Variants in SLCO1B1 observed in about 807,000 individuals in gnomAD.
SLCO1B1 encodes the protein solute carrier organic anion transporter family member 1B1.
Under a neutral mutation model 70.1 loss-of-function variants are expected in SLCO1B1, and 81 were observed. That is an observed-to-expected ratio of 1.16 (90% CI 0.97 to 1.39). The LOEUF (loss-of-function observed/expected upper bound fraction) is 1.39. Among genes scored for constraint, SLCO1B1 ranks in the 40% most tolerant of loss-of-function variants. SLCO1B1 has a pLI of 0.00. For synonymous variants in SLCO1B1, 283 were observed against 271.5 expected (o/e 1.04, Z -0.42); for missense variants, 895 against 799.6 (o/e 1.12, Z -1.44).
intron 2 of SLCO1B1, among the ~76,000 whole-genome samples, chr12:21,170,404 TG>T (rs140437773): frequency 0.13 from 20,151 of 152,086 alleles, 1,401 homozygotes; most frequent in Middle Eastern, 0.16. Flanking sequence ...GTTAATATTG[TG>T]TCTTGCTGTT....
chr12:21,215,506 C>T (rs183456827), intron 11 of SLCO1B1, among the ~76,000 whole-genome samples: 3 of 152,232 alleles, frequency 2.0e-5, no homozygotes, highest in Admixed American at 2.0e-4. Flanking sequence ...CTGGACCATC[C>T]TTACATCTCA....
chr12:21,159,763 A>G (rs1327755015), intron 2 of SLCO1B1, among the ~76,000 whole-genome samples: 1 of 152,156 alleles, frequency 6.6e-6, no homozygotes, highest in Non-Finnish European at 1.5e-5. Flanking sequence ...CTGATAAACA[A>G]CTTCAGCAAA....
intron 2 of SLCO1B1, among the ~76,000 whole-genome samples, chr12:21,149,921 C>T (rs994771108): frequency 2.0e-5 from 3 of 152,160 alleles, no homozygotes; most frequent in African/African-American, 7.2e-5. Flanking sequence ...GATCCCACCC[C>T]CATAGAGCCC....
At chr12:21,134,433 G>T (rs561531966) in intron 1 of SLCO1B1, among the ~76,000 whole-genome samples, 2 of 152,208 alleles carry the variant, frequency 1.3e-5, no homozygotes, top group Admixed American at 6.5e-5. Context: ...TGTACCTCTG[G>T]TAGAATTCGG....
At chr12:21,160,582 A>C (rs1940605887) in intron 2 of SLCO1B1, among the ~76,000 whole-genome samples, 1 of 152,152 alleles carries the variant, frequency 6.6e-6, no homozygotes, top group Admixed American at 6.5e-5. Context: ...CCTAGGCAAT[A>C]TCATCCTGGA....
chr12:21,219,838 G>A (rs1204035403), intron 12 of SLCO1B1, among the ~76,000 whole-genome samples: 1 of 114,512 alleles, frequency 8.7e-6, no homozygotes, highest in Non-Finnish European at 1.9e-5. Flanking sequence ...TTGGATTGCT[G>A]CAACCCTCCG....
chr12:21,136,697 C>T (rs910465514), intron 1 of SLCO1B1, among the ~76,000 whole-genome samples: 3 of 152,142 alleles, frequency 2.0e-5, no homozygotes, highest in African/African-American at 7.2e-5. Context: ...CCTTTAAGAA[C>T]TTCTCTGCAT....
intron 8 of SLCO1B1, 98 bp downstream of exon 8, chr12:21,197,286 G>T: frequency 7.4e-7 from 1 of 1,357,588 alleles, no homozygotes; most frequent in Non-Finnish European, 1.0e-6. Context: ...AACTCATCTG[G>T]AGTTGGCTTT....
rs1303155877 is a variant in SLCO1B1, at chr12:21,209,505, G to A, written c.1497+3472G>A. On this transcript the variant is annotated intron_variant, in intron 11 of 14. Coordinates refer to ENST00000256958, the MANE Select transcript of SLCO1B1 (RefSeq NM_006446.5). ...CCAAGTCTTTGCTATTGTGAATAAT[G>A]CCACAATAAACATACGTGTGCATGT... Among the ~76,000 whole-genome samples, 3 of 152,114 alleles carry A rather than the reference G, an allele frequency of 2.0e-5. No individual in the cohort carries two copies. In the East Asian group the frequency reaches 5.8e-4, roughly 29 times the overall value.
At chr12:21,224,470 G>A (rs1219897752) in intron 13 of SLCO1B1, among the ~76,000 whole-genome samples, 1 of 152,054 alleles carries the variant, frequency 6.6e-6, no homozygotes, top group Non-Finnish European at 1.5e-5. Flanking sequence ...GTTATCATAA[G>A]AAGAACAGAG....
At chr12:21,183,929 A>G (rs150232308) in intron 7 of SLCO1B1, among the ~76,000 whole-genome samples, 10 of 152,316 alleles carry the variant, frequency 6.6e-5, no homozygotes, top group African/African-American at 2.2e-4. Flanking sequence ...TAAAAAAAAT[A>G]CTACATGGAT....
At chr12:21,206,772 A>T (rs1230616250) in intron 11 of SLCO1B1, among the ~76,000 whole-genome samples, 1 of 151,878 alleles carries the variant, frequency 6.6e-6, no homozygotes, top group African/African-American at 2.4e-5. Context: ...CCTACAATCC[A>T]CTCAACATCT....
chr12:21,185,047 A>T (rs1002552), intron 7 of SLCO1B1, among the ~76,000 whole-genome samples: 18,585 of 152,168 alleles, frequency 0.12, 1,511 homozygotes, highest in Non-Finnish European at 0.18. Flanking sequence ...GTGTTCCATT[A>T]AACGAGAAGA....
At chr12:21,169,530 A>T (rs1381219578) in intron 2 of SLCO1B1, among the ~76,000 whole-genome samples, 1 of 152,004 alleles carries the variant, frequency 6.6e-6, no homozygotes, top group Admixed American at 6.6e-5. Flanking sequence ...TTTTCAGTTC[A>T]GTTACTTTAT....
intron 10 of SLCO1B1, among the ~76,000 whole-genome samples, chr12:21,203,461 A>C (rs989647427): frequency 3.3e-5 from 5 of 152,038 alleles, no homozygotes; most frequent in Non-Finnish European, 5.9e-5. Flanking sequence ...TCAAGCAACA[A>C]GCAGAGATGC....
intron 11 of SLCO1B1, among the ~76,000 whole-genome samples, chr12:21,208,645 A>T (rs1941241660): frequency 6.6e-6 from 1 of 151,978 alleles, no homozygotes; most frequent in African/African-American, 2.4e-5. Flanking sequence ...CAATAGTTTT[A>T]TTCTAATTCA....
intron 1 of SLCO1B1, among the ~76,000 whole-genome samples, chr12:21,136,036 AC>A (rs1244709016): frequency 6.6e-6 from 1 of 152,124 alleles, no homozygotes; most frequent in Non-Finnish European, 1.5e-5. Flanking sequence ...CCTGGTGGTG[AC>A]AAAATCAGCA....
At chr12:21,176,654 G>A (rs777416106) in intron 4 of SLCO1B1, 122 bp from the exon 5 acceptor site, 1 of 760,536 alleles carries the variant, frequency 1.3e-6, no homozygotes, top group African/African-American at 1.7e-5. Flanking sequence ...TTGACAGAAA[G>A]TACTCTGGTA....
intron 1 of SLCO1B1, among the ~76,000 whole-genome samples, chr12:21,140,869 G>A (rs1940298571): frequency 6.6e-6 from 1 of 151,828 alleles, no homozygotes; most frequent in Non-Finnish European, 1.5e-5. Flanking sequence ...TCAACTATAT[G>A]CATTTTCTCT....
Sources: gnomAD v4.1 joint callset for allele counts (sites outside exome capture counted in the v4.1 genomes callset) on GRCh38, gnomAD v4.1.1 for gene constraint, MANE v1.5 for transcripts, NCBI Gene and HGNC (gene_info 2026-07-23, HGNC 2026-07-21) for gene names.